The following RORC variants were observed in gnomAD, a reference collection of about 807,000 sequenced individuals.
The protein encoded by RORC is RAR related orphan receptor C.
Under a neutral mutation model 64.5 loss-of-function variants are expected in RORC, and 13 were observed. The ratio of observed to expected loss-of-function variants is 0.20; its 90% CI spans 0.13 to 0.32. The LOEUF (loss-of-function observed/expected upper bound fraction) is 0.32. Among genes scored for constraint, RORC ranks in the 10% least tolerant of loss-of-function variants. RORC has a pLI of 1.00. For synonymous variants in RORC, 277 were observed against 259.3 expected (o/e 1.07, Z -0.65); for missense variants, 468 against 669.5 (o/e 0.70, Z 3.32).
At chr1:151,827,413 T>C (rs913971802) in intron 2 of RORC, among the ~76,000 whole-genome samples, 2 of 151,944 alleles carry the variant, frequency 1.3e-5, no homozygotes. Flanking sequence ...GGCCAAACAA[T>C]TCCAGAGACC....
chr1:151,816,646 CTG>C lies in RORC; in HGVS notation c.298+16_298+17del, dbSNP rs772506661. Reference sequence around the variant, plus strand: ...GAGACACCAGGAAAACCCCAGGGGGCTGTCGACTTGGCCTCACCATCTCGGGA... The same window carrying C: ...GAGACACCAGGAAAACCCCAGGGGGCTCGACTTGGCCTCACCATCTCGGGA... On this transcript the variant is annotated intron_variant, in intron 4 of 10. Coordinates refer to ENST00000318247, the MANE Select transcript of RORC (RefSeq NM_005060.4). 1.2e-5 allele frequency: 19 copies of C among 1,594,384 alleles called. No homozygotes were observed. The Admixed American group carries it at 1.7e-4, about 15-fold the overall frequency.
intron 10 of RORC, among the ~76,000 whole-genome samples, chr1:151,808,077 G>T (rs1389998350): frequency 6.6e-6 from 1 of 152,108 alleles, no homozygotes; most frequent in Non-Finnish European, 1.5e-5. Context: ...TCTGGATTAA[G>T]GGCCCTTCTT....
rs267598020 is a variant in RORC, at chr1:151,815,315, G to A, written c.409C>T (p.Pro137Ser). Residue 137 changes from proline (P) to serine (S), a missense_variant, in exon 5 of 11, where the codon CCT (proline) becomes TCT (serine). Around this residue, in one of 5 missense-constraint regions of RORC, gnomAD observed 241 missense variants for 295.5 expected, o/e 0.82. Transcript: ENST00000318247. ...TCTGCTCCTTGGGCCCCTGCTGGAG[G>A]GGTCTTGACCACTGGTTCCTGTTGC... Reference protein sequence around the residue: ...QQQQEPVVKTPPAGAQGADTL... With the variant: ...QQQQEPVVKTSPAGAQGADTL... 1 of 1,607,108 alleles carries A rather than the reference G, an allele frequency of 6.2e-7. No homozygotes were observed. The highest frequency in any genetic ancestry group is 8.5e-7 in the Non-Finnish European group (1 of 1,175,766).
chr1:151,818,578 T>C (rs1651863003), intron 2 of RORC, among the ~76,000 whole-genome samples: 1 of 152,198 alleles, frequency 6.6e-6, no homozygotes, highest in African/African-American at 2.4e-5. Context: ...TTGGGATCCC[T>C]GGTTACTGTA....
Position 151,807,343 on chromosome 1 carries a change from C to T in RORC, c.*129G>A. The T allele has an allele frequency of 2.2e-6, 2 of 894,672 alleles. No individual in the cohort carries two copies. Among genetic ancestry groups the T allele is most frequent in the African/African-American group, 1.7e-5 (1 of 59,470 alleles). The allele number at this position is 894,672 out of a possible 1,614,324, so 55.4% of individuals were successfully genotyped here. On this transcript the variant is annotated 3_prime_UTR_variant, in exon 11 of 11. Coordinates refer to ENST00000318247, the MANE Select transcript of RORC (RefSeq NM_005060.4). This position sits in a 1 kb window ranked among gnomAD's most constrained non-coding sequence, Gnocchi z 5.0. ...GACAGAAAGCCAGCCGCAGCATCTG[C>T]TCACTTCCAAAGAGCTGGTGGGGAC...
intron 10 of RORC, among the ~76,000 whole-genome samples, chr1:151,810,220 T>G (rs771400189): frequency 6.6e-6 from 1 of 151,912 alleles, no homozygotes; most frequent in Non-Finnish European, 1.5e-5. Flanking sequence ...AGGAAAAGGA[T>G]TTTTTTTCAT....
intron 2 of RORC, among the ~76,000 whole-genome samples, chr1:151,826,871 A>G (rs1173375529): frequency 2.6e-5 from 4 of 152,198 alleles, no homozygotes; most frequent in Admixed American, 2.6e-4. Context: ...TAATCCCAGC[A>G]CTTTGGGAGC....
At position 151,814,670 on chromosome 1, in the gene RORC, C is replaced by G. The variant is rs1278136949; in HGVS notation, c.837G>C (p.Lys279Asn). ...GCAGCTGGCATGTCTCCCTGTAGGA[C>G]TTGCAGACGCTCTGCACCAGGTGCT... ...EIEHLVQSVC[K>N]SYRETCQLRL... The change falls in exon 6 of 11, where the codon AAG becomes AAC. Residue 279 changes from lysine to asparagine, a missense_variant. Transcript: ENST00000318247. The G allele has an allele frequency of 6.2e-7, 1 of 1,611,932 alleles. No homozygotes were observed. Among genetic ancestry groups the G allele is most frequent in the Admixed American group, 1.7e-5 (1 of 59,940 alleles).
At chr1:151,829,364 C>G (rs1652320708) in intron 2 of RORC, 65 bp downstream of exon 2, 4 of 1,454,280 alleles carry the variant, frequency 2.8e-6, no homozygotes, top group Non-Finnish European at 3.7e-6. Context: ...CCACAGATCA[C>G]TTGCTGAATT....
At position 151,807,412 on chromosome 1, in the gene RORC, C is replaced by G. The variant is rs188238806; in HGVS notation, c.*60G>C. The G allele has an allele frequency of 7.1e-6, 11 of 1,550,152 alleles. No individual in the cohort carries two copies. The African/African-American group carries it at 1.5e-4, about 21-fold the overall frequency. On this transcript the variant is annotated 3_prime_UTR_variant, in exon 11 of 11. Transcript: ENST00000318247. This position sits in a 1 kb window ranked among gnomAD's most constrained non-coding sequence, Gnocchi z 5.0. The stretch of plus-strand genomic sequence containing the variant: ...GGAAAGGAAAAGGGTGAGGGTGGAA[C>G]GGGGTCCAGGGAGGTGGGCCAGCAG...
intron 2 of RORC, 113 bp from the exon 3 acceptor site, chr1:151,817,393 C>T: frequency 1.4e-6 from 1 of 706,260 alleles, no homozygotes; most frequent in Non-Finnish European, 2.5e-6. Context: ...CTCCAACCAG[C>T]TCCAGCTTGC....
chr1:151,830,113 G>C lies in RORC; in HGVS notation c.41-655C>G, dbSNP rs1050910620. ...TCAGAGATGTGGGGGTTGGGAGTAGGGGGAGAGGATGTTTGGAGGAAGAGG... is the reference window on the plus strand; with the variant it reads ...TCAGAGATGTGGGGGTTGGGAGTAGCGGGAGAGGATGTTTGGAGGAAGAGG... On this transcript the variant is annotated intron_variant, in intron 1 of 10. Transcript: ENST00000318247. The surrounding 1 kb of genome is among the most constrained non-coding windows in gnomAD (Gnocchi z 4.0). Among the ~76,000 whole-genome samples the C allele has an allele frequency of 1.3e-5, 2 of 152,176 alleles. No homozygotes were observed. The highest frequency in any genetic ancestry group is 2.9e-5 in the Non-Finnish European group (2 of 68,018).
chr1:151,810,136 C>T (rs930134914), intron 10 of RORC, among the ~76,000 whole-genome samples: 1 of 152,118 alleles, frequency 6.6e-6, no homozygotes, highest in Non-Finnish European at 1.5e-5. Flanking sequence ...TACCCTAGTC[C>T]CACACCCAAA....
rs1652317791 is a variant in RORC, at chr1:151,829,329, C to T, written c.70+100G>A. 2.6e-6 allele frequency: 3 copies of T among 1,168,782 alleles called. No homozygotes were observed. In the South Asian group the frequency reaches 4.7e-5, roughly 18 times the overall value. 72.4% of individuals were successfully genotyped at this position (1,168,782 alleles called of 1,614,324 possible). A position where few individuals can be genotyped will look rare whatever the true frequency, so the allele number is the denominator to read the frequency against. Reference sequence around the variant, plus strand: ...TGCCTGCCATCTCTTCCTGACTCCTCCACCTCTGTCCAACCTCAGTCCCCC... The same window carrying T: ...TGCCTGCCATCTCTTCCTGACTCCTTCACCTCTGTCCAACCTCAGTCCCCC... On this transcript the variant is annotated intron_variant, in intron 2 of 10. Coordinates refer to ENST00000318247, the MANE Select transcript of RORC (RefSeq NM_005060.4).
At chr1:151,815,466 A>G in intron 4 of RORC, 41 bp from the exon 5 acceptor site, 1 of 1,511,876 alleles carries the variant, frequency 6.6e-7, no homozygotes, top group Admixed American at 2.3e-5. Context: ...GAGGCAGGAG[A>G]ACATGGCACA....
At chr1:151,810,939 T>A (rs775711534) in intron 10 of RORC, among the ~76,000 whole-genome samples, 1 of 152,178 alleles carries the variant, frequency 6.6e-6, no homozygotes, top group South Asian at 2.1e-4. Flanking sequence ...TTATATCACA[T>A]ACCACATTCT....
chr1:151,816,588 T>G, intron 4 of RORC, 76 bp downstream of exon 4: 1 of 1,448,770 alleles, frequency 6.9e-7, no homozygotes, highest in Non-Finnish European at 9.2e-7. Context: ...AGGTTAAGCC[T>G]TGTCTAGCTC....
At chr1:151,827,964 C>T (rs1487129246) in intron 2 of RORC, among the ~76,000 whole-genome samples, 1 of 152,050 alleles carries the variant, frequency 6.6e-6, no homozygotes, top group Non-Finnish European at 1.5e-5. Context: ...CCCCCTCCCC[C>T]AGCTCACCCG....
At chr1:151,825,918 C>G (rs200478692) in intron 2 of RORC, 160 of 1,613,680 alleles carry the variant, frequency 9.9e-5, no homozygotes, top group Admixed American at 3.2e-4. Flanking sequence ...CCAGGTGGCC[C>G]CATTCACTTA....
Sources: allele counts gnomAD v4.1 joint callset (sites outside exome capture counted in the v4.1 genomes callset), GRCh38; gene constraint gnomAD v4.1.1; regional missense constraint gnomAD v4.1.1; non-coding constraint Gnocchi (gnomAD v3.1); transcripts MANE v1.5; gene names NCBI Gene and HGNC (gene_info 2026-07-23, HGNC 2026-07-21).